Variants in MIAT observed in about 807,000 individuals in gnomAD.
MIAT encodes the protein MI related novel mRNA.
chr22:26,658,830 CTT>C (rs1279468799), intron 2 of MIAT, among the ~76,000 whole-genome samples: 1 of 152,156 alleles, frequency 6.6e-6, no homozygotes, highest in Non-Finnish European at 1.5e-5. Flanking sequence ...GAGGGAACGG[CTT>C]TGTTTTTTCT....
At chr22:26,661,274 A>C (rs1930652657) in intron 2 of MIAT, among the ~76,000 whole-genome samples, 1 of 152,162 alleles carries the variant, frequency 6.6e-6, no homozygotes. Flanking sequence ...CCGAGGAACA[A>C]TAGCCAGAGA....
At chr22:26,668,990 C>T (rs1431452134) in exon 6 of MIAT, 2 of 398,446 alleles carry the variant, frequency 5.0e-6, no homozygotes, top group African/African-American at 2.1e-5. Context: ...CCAAAGGGAA[C>T]CAGTCTTACC....
exon 5 of MIAT, chr22:26,675,908 C>G: frequency 2.5e-6 from 1 of 398,598 alleles, no homozygotes; most frequent in South Asian, 1.3e-4. Context: ...TGGGACTAGG[C>G]CAACATAGAG....
At chr22:26,648,555 T>G (rs62224890) in intron 2 of MIAT, among the ~76,000 whole-genome samples, 1,949 of 98,242 alleles carry the variant, frequency 0.02, 35 homozygotes, top group African/African-American at 0.058. Flanking sequence ...TTTGATGGGG[T>G]TTTGTTTTTT....
At chr22:26,663,054 A>C (rs1290201202) in intron 2 of MIAT, among the ~76,000 whole-genome samples, 3 of 152,226 alleles carry the variant, frequency 2.0e-5, no homozygotes, top group Non-Finnish European at 2.9e-5. Context: ...ACTGTGGTAA[A>C]GGACTTGGTC....
chr22:26,660,614 A>G lies in MIAT; in HGVS notation n.647-2702A>G, dbSNP rs375476437. The G allele has an allele frequency of 3.9e-5, 6 of 152,182 alleles. No homozygotes were observed. The East Asian group carries it at 7.7e-4, about 19-fold the overall frequency. 9.4% of individuals were successfully genotyped at this position (152,182 alleles called of 1,614,324 possible). ...GATTTCAGTGTTTCATGGAGGAGAT[A>G]AGCATGGTCTACTTCGTCAGTTCCC... On this transcript the variant is annotated intron_variant and non_coding_transcript_variant, in intron 2 of 5. Transcript: ENST00000643270.
exon 6 of MIAT, chr22:26,669,434 T>TGG (rs1930965537): frequency 2.5e-6 from 1 of 398,620 alleles, no homozygotes; most frequent in Non-Finnish European, 4.4e-6. Context: ...CACATGGCCT[T>TGG]TTCTCTGTGG....
chr22:26,655,953 G>GCCAAAGTCCCA (rs1930428099), intron 2 of MIAT: 1 of 152,148 alleles, frequency 6.6e-6, no homozygotes, highest in Admixed American at 6.6e-5. Flanking sequence ...CAAAGTTCTG[G>GCCAAAGTCCCA]GGTTACAGGC....
exon 5 of MIAT, chr22:26,676,073 A>G (rs1040729494): frequency 7.5e-6 from 3 of 398,438 alleles, no homozygotes; most frequent in Non-Finnish European, 1.3e-5. Flanking sequence ...AGGATCTTAG[A>G]GCTGAGGAAT....
intron 2 of MIAT, among the ~76,000 whole-genome samples, chr22:26,652,436 C>T (rs1930351923): frequency 6.6e-6 from 1 of 152,106 alleles, no homozygotes. Flanking sequence ...CACCTCACTG[C>T]AACCTCCAAC....
chr22:26,676,143 A>G (rs1223254978), exon 5 of MIAT: 1 of 219,966 alleles, frequency 4.5e-6, no homozygotes, highest in Non-Finnish European at 8.6e-6. Context: ...CTGTGGACCC[A>G]ATGTGAGGGC....
chr22:26,657,160 G>A, intron 2 of MIAT: 1 of 209,434 alleles, frequency 4.8e-6, no homozygotes, highest in Non-Finnish European at 9.4e-6. Context: ...GTCGCGCGCA[G>A]CCCCCGCGCC....
chr22:26,659,088 A>T (rs913837247), intron 2 of MIAT, among the ~76,000 whole-genome samples: 2 of 152,150 alleles, frequency 1.3e-5, no homozygotes, highest in African/African-American at 4.8e-5. Flanking sequence ...CGTGGCAAGG[A>T]GGATGAGTCA....
At chr22:26,650,908 C>T (rs1484233917) in intron 2 of MIAT, among the ~76,000 whole-genome samples, 5 of 152,188 alleles carry the variant, frequency 3.3e-5, no homozygotes, top group Non-Finnish European at 7.3e-5. Flanking sequence ...TCGGATAAGT[C>T]ACTTTCCCTC....
At chr22:26,657,262 C>G (rs1252008369) in intron 2 of MIAT, 3 of 370,688 alleles carry the variant, frequency 8.1e-6, no homozygotes, top group African/African-American at 2.1e-5. Flanking sequence ...CTGAGCGCAC[C>G]GGCCAGCTAG....
At chr22:26,658,960 G>C (rs1301663707) in intron 2 of MIAT, among the ~76,000 whole-genome samples, 1 of 152,250 alleles carries the variant, frequency 6.6e-6, no homozygotes, top group African/African-American at 2.4e-5. Flanking sequence ...CCCAGGGAGG[G>C]AGGCGGGGGT....
intron 2 of MIAT, chr22:26,657,685 C>T (rs920423261): frequency 5.0e-6 from 2 of 398,648 alleles, no homozygotes; most frequent in Non-Finnish European, 8.8e-6. Flanking sequence ...AGAAGCCTTC[C>T]TTCCCAAGTG....
At chr22:26,665,580 C>A (rs916429699) in exon 4 of MIAT, 1 of 398,714 alleles carries the variant, frequency 2.5e-6, no homozygotes, top group Non-Finnish European at 4.4e-6. Flanking sequence ...TTTCCAGGTT[C>A]TTCAGGACGT....
chr22:26,670,241 C>T (rs1205335454), downstream of MIAT: 3 of 398,354 alleles, frequency 7.5e-6, no homozygotes, highest in Middle Eastern at 6.2e-4. Flanking sequence ...ATTCTACTCT[C>T]TCATCAGCAC....
Sources: gnomAD v4.1 joint callset for allele counts (sites outside exome capture counted in the v4.1 genomes callset) on GRCh38, gnomAD v4.1.1 for gene constraint, MANE v1.5 for transcripts, NCBI Gene and HGNC (gene_info 2026-07-23, HGNC 2026-07-21) for gene names.